SLC22A14: variants seen among roughly 807,000 people sequenced by gnomAD.
SLC22A14 encodes the protein solute carrier family 22 member 14.
In SLC22A14, 50 loss-of-function variants were observed where a neutral mutation model predicts 53.9. The observed-to-expected ratio is 0.93, with a 90% CI of 0.74 to 1.17. SLC22A14 has a LOEUF of 1.17. SLC22A14 is among the 50% of genes most tolerant of loss of function. The pLI is 0.00. For missense variants in SLC22A14, 671 were observed against 734.7 expected (o/e 0.91, Z 1.00); for synonymous variants, 312 against 303.0 (o/e 1.03, Z -0.31).
At chr3:38,280,128 A>G (rs768554625), upstream of SLC22A14, among the ~76,000 whole-genome samples, 6 of 152,144 alleles carry the variant, frequency 3.9e-5, no homozygotes, top group Non-Finnish European at 8.8e-5. Flanking sequence ...GTGATCTATG[A>G]GGTGTCATGA....
chr3:38,317,440 G>C (rs1417493152), intron 10 of SLC22A14, among the ~76,000 whole-genome samples: 2 of 152,220 alleles, frequency 1.3e-5, no homozygotes, highest in Non-Finnish European at 2.9e-5. Flanking sequence ...AGGATCTGTA[G>C]GAACCTAACA....
chr3:38,288,084 CATA>C (rs1472612420), intron 1 of SLC22A14, among the ~76,000 whole-genome samples: 1 of 152,198 alleles, frequency 6.6e-6, no homozygotes, highest in Non-Finnish European at 1.5e-5. Context: ...GTACCTACTA[CATA>C]ATAACTCCCC....
chr3:38,280,748 G>A (rs573800054), upstream of SLC22A14, among the ~76,000 whole-genome samples: 3 of 152,110 alleles, frequency 2.0e-5, no homozygotes, highest in South Asian at 6.2e-4. Context: ...TCTTGCCTCA[G>A]CTTCCCGAGT....
In SLC22A14 at chr3:38,316,492, C is replaced by G; in HGVS notation, c.1701C>G (p.Leu567=). 6.2e-7 allele frequency: 1 copy of G among 1,614,198 alleles called. No homozygotes were observed. Among genetic ancestry groups the G allele is most frequent in the Non-Finnish European group, 8.5e-7 (1 of 1,180,020 alleles). The part of the protein sequence containing the change: ...SLLPETRDQP[L]SESLNHSSQI... ...TGCCGGAAACGCGAGATCAGCCCCT[C>G]TCCGAGAGCCTGAACCACTCCTCAC... Residue 567 remains leucine (L), a synonymous_variant, in exon 10 of 11, where the codon CTC becomes CTG. Transcript: ENST00000448498.
chr3:38,310,752 T>A (rs1704446861), intron 5 of SLC22A14, among the ~76,000 whole-genome samples: 1 of 152,108 alleles, frequency 6.6e-6, no homozygotes, highest in African/African-American at 2.4e-5. Flanking sequence ...ATAACCTCTT[T>A]CTGTAGGGGT....
chr3:38,283,280 C>G (rs1256017664), intron 1 of SLC22A14, among the ~76,000 whole-genome samples: 2 of 152,160 alleles, frequency 1.3e-5, no homozygotes, highest in Non-Finnish European at 2.9e-5. Context: ...CTTTAACCCC[C>G]CTTGCCATGT....
In SLC22A14 at chr3:38,307,080, G is replaced by T. The variant is rs1034636705; in HGVS notation, c.517-174G>T. ...AGGCCCAGCTCTCAGGGTGGAGCAG[G>T]TGCCAGAGGGGTTGCAGAGGTAACA... On this transcript the variant is annotated intron_variant, in intron 2 of 10. Transcript: ENST00000448498. This position sits in a 1 kb window ranked among gnomAD's most constrained non-coding sequence, Gnocchi z 4.4. 4.6e-5 allele frequency among the ~76,000 whole-genome samples: 7 copies of T among 152,176 alleles called. No homozygotes were observed. Among genetic ancestry groups the T allele is most frequent in the African/African-American group, 1.7e-4 (7 of 41,432 alleles).
rs764086331 is a variant in SLC22A14 at position 38,306,395 on chromosome 3, A to C, written c.369A>C (p.Ala123=). Residue 123 remains alanine, a synonymous_variant, in exon 2 of 11, where the codon GCA becomes GCC. Transcript: ENST00000448498. ...AGCTGAATCTGACCATACCCCAAGCACCCAATGGCAGTTTCCTGACATGCT... is the reference window on the plus strand; with the variant it reads ...AGCTGAATCTGACCATACCCCAAGCCCCCAATGGCAGTTTCCTGACATGCT... ...AEQLNLTIPQ[A]PNGSFLTCFM... 6.2e-7 allele frequency: 1 copy of C among 1,614,102 alleles called. No individual in the cohort carries two copies. Among genetic ancestry groups the C allele is most frequent in the Admixed American group, 1.7e-5 (1 of 60,014 alleles).
In SLC22A14 at chr3:38,307,773, A is replaced by C; in HGVS notation, c.775+53A>C. ...CAGGGTGGCACAGGGGCATGGCGGC[A>C]TAGGCGGGTGACAAGGGGACATAGT... is the stretch of plus-strand genomic sequence containing the variant. On this transcript the variant is annotated intron_variant, in intron 4 of 10. Transcript: ENST00000448498. This position sits in a 1 kb window ranked among gnomAD's most constrained non-coding sequence, Gnocchi z 4.4. The C allele has an allele frequency of 6.3e-7, 1 of 1,596,466 alleles. No individual in the cohort carries two copies.
At chr3:38,316,664 T>C (rs1051524943) in intron 10 of SLC22A14, 140 bp downstream of exon 10, 2 of 730,680 alleles carry the variant, frequency 2.7e-6, no homozygotes, top group Non-Finnish European at 4.5e-6. Context: ...TCCGCAGCAG[T>C]CTCTCCGCTC....
intron 8 of SLC22A14, among the ~76,000 whole-genome samples, chr3:38,315,316 A>G (rs1228253092): frequency 6.6e-6 from 1 of 152,226 alleles, no homozygotes; most frequent in Non-Finnish European, 1.5e-5. Flanking sequence ...TGGGTGTAGC[A>G]TGGGAGACAG....
chr3:38,313,635 C>T, intron 7 of SLC22A14, 92 bp from the exon 8 acceptor site: 1 of 951,852 alleles, frequency 1.1e-6, no homozygotes. Context: ...TCCGTTCCTA[C>T]CCTGACCCTT....
chr3:38,306,084 T>C lies in SLC22A14; in HGVS notation c.58T>C (p.Leu20=). 6.2e-7 allele frequency: 1 copy of C among 1,614,032 alleles called. No individual in the cohort carries two copies. Among genetic ancestry groups the C allele is most frequent in the Non-Finnish European group, 8.5e-7 (1 of 1,179,950 alleles). ...CAGATCCCAGGATGCTTCCAGGAAC[T>C]TGAACCAGCATGAGGTAGCAGGACA... The part of the protein sequence containing the change: ...ELRSQDASRN[L]NQHEVAGHPH... Residue 20 remains leucine, a synonymous_variant, in exon 2 of 11, where the codon TTG becomes CTG. Coordinates refer to ENST00000448498, the MANE Select transcript of SLC22A14 (RefSeq NM_001320033.2).
intron 1 of SLC22A14, among the ~76,000 whole-genome samples, chr3:38,289,777 A>G (rs1003700940): frequency 3.9e-5 from 6 of 152,196 alleles, no homozygotes; most frequent in African/African-American, 1.4e-4. Context: ...GCGGGTCTGC[A>G]ACAGCGACAA....
At chr3:38,294,928 G>A (rs899503278) in intron 1 of SLC22A14, among the ~76,000 whole-genome samples, 2 of 152,094 alleles carry the variant, frequency 1.3e-5, no homozygotes, top group Non-Finnish European at 2.9e-5. Context: ...TTTCAGAGAG[G>A]GTGTAGGTAA....
intron 9 of SLC22A14, among the ~76,000 whole-genome samples, chr3:38,316,069 C>T (rs968301676): frequency 2.0e-5 from 3 of 152,246 alleles, no homozygotes; most frequent in African/African-American, 7.2e-5. Context: ...GATGGGAGCA[C>T]TATCTTCCTG....
intron 5 of SLC22A14, among the ~76,000 whole-genome samples, chr3:38,312,424 G>C (rs1054590126): frequency 6.6e-5 from 10 of 152,206 alleles, no homozygotes; most frequent in African/African-American, 2.4e-4. Flanking sequence ...AAAAAACAGA[G>C]AGGAGTTATT....
chr3:38,302,410 G>T (rs1704189513), intron 1 of SLC22A14, among the ~76,000 whole-genome samples: 1 of 149,932 alleles, frequency 6.7e-6, no homozygotes, highest in African/African-American at 2.4e-5. Context: ...GCTGTGCATG[G>T]TGGCAGATTG....
chr3:38,280,988 C>T (rs1242919318), upstream of SLC22A14, among the ~76,000 whole-genome samples: 1 of 152,228 alleles, frequency 6.6e-6, no homozygotes, highest in Non-Finnish European at 1.5e-5. Flanking sequence ...TCCCACCCTG[C>T]TCTTCAGTCT....
Sources: allele counts gnomAD v4.1 joint callset (sites outside exome capture counted in the v4.1 genomes callset), GRCh38; gene constraint gnomAD v4.1.1; non-coding constraint Gnocchi (gnomAD v3.1); transcripts MANE v1.5; gene names NCBI Gene and HGNC (gene_info 2026-07-23, HGNC 2026-07-21).